DCSTAMP: variants seen among roughly 807,000 people sequenced by gnomAD.
The protein encoded by DCSTAMP is dendritic cell-specific transmembrane protein.
In DCSTAMP, 25 loss-of-function variants were observed where a neutral mutation model predicts 33.8. The ratio of observed to expected loss-of-function variants is 0.74; its 90% CI spans 0.54 to 1.03. The LOEUF (loss-of-function observed/expected upper bound fraction) is 1.03, where lower values mean the gene tolerates loss of function less well. DCSTAMP is among the 50% of genes least tolerant of loss of function. DCSTAMP has a pLI of 0.00. For missense variants in DCSTAMP, 531 were observed against 556.8 expected (o/e 0.95, Z 0.47); for synonymous variants, 245 against 216.7 (o/e 1.13, Z -1.15).
Position 104,348,675 on chromosome 8 carries a change from T to A in DCSTAMP, c.123T>A (p.Leu41=). 6.2e-7 allele frequency: 1 copy of A among 1,614,208 alleles called. No individual in the cohort carries two copies. The highest frequency in any genetic ancestry group is 8.5e-7 in the Non-Finnish European group (1 of 1,180,040). Residue 41 remains leucine, a synonymous_variant, in exon 2 of 4, where the codon CTT becomes CTA. Coordinates refer to ENST00000297581, the MANE Select transcript of DCSTAMP (RefSeq NM_030788.4). ...TGGGAGTTTGCTGTTTGGTTGCTCT[T>A]ATTTCAGTGGGCCTCCTGTCTGTGG... is the stretch of plus-strand genomic sequence containing the variant. ...QHLGVCCLVA[L]ISVGLLSVAA...
At chr8:104,343,994 T>C (rs2099383435) in intron 1 of DCSTAMP, among the ~76,000 whole-genome samples, 1 of 152,230 alleles carries the variant, frequency 6.6e-6, no homozygotes, top group Admixed American at 6.5e-5. Context: ...AAATTTTAAT[T>C]CCATTACTCA....
At chr8:104,352,673 T>C (rs1200673638) in intron 2 of DCSTAMP, among the ~76,000 whole-genome samples, 2 of 152,118 alleles carry the variant, frequency 1.3e-5, no homozygotes, top group East Asian at 3.9e-4. Context: ...ACCTTTGTCT[T>C]TGGGCATTAC....
intron 1 of DCSTAMP, among the ~76,000 whole-genome samples, chr8:104,347,248 T>C (rs1419577794): frequency 2.6e-5 from 4 of 152,114 alleles, no homozygotes; most frequent in African/African-American, 9.7e-5. Flanking sequence ...TGACAAAAAA[T>C]AAATATTCTT....
intron 2 of DCSTAMP, among the ~76,000 whole-genome samples, chr8:104,351,507 G>A (rs1810462493): frequency 6.6e-6 from 1 of 152,224 alleles, no homozygotes; most frequent in Non-Finnish European, 1.5e-5. Context: ...CAAAATGACT[G>A]CTCCATAGGC....
Position 104,349,224 on chromosome 8 carries a change from G to T in DCSTAMP, c.672G>T (p.Leu224=), listed in dbSNP as rs1292382728. 6.2e-7 allele frequency: 1 copy of T among 1,614,212 alleles called. No individual in the cohort carries two copies. The highest frequency in any genetic ancestry group is 1.3e-5 in the African/African-American group (1 of 75,062). The change falls in exon 2 of 4, where the codon CTG becomes CTT. Residue 224 remains leucine, a synonymous_variant. Transcript: ENST00000297581. ...LLAFAGLSLV[L]LGTGLFMKRF... ...CCTTTGCAGGGCTTTCGCTCGTCCT[G>T]CTTGGCACTGGCCTCTTCATGAAGC...
At chr8:104,354,641 A>C (rs956626165) in intron 2 of DCSTAMP, among the ~76,000 whole-genome samples, 1 of 152,234 alleles carries the variant, frequency 6.6e-6, no homozygotes, top group Non-Finnish European at 1.5e-5. Flanking sequence ...TCTCAAGGGA[A>C]TCTTTACTGT....
Position 104,348,910 on chromosome 8 carries a change from G to A in DCSTAMP, c.358G>A (p.Gly120Ser). The stretch of plus-strand genomic sequence containing the variant: ...AGAAAATATTTTTCACAACTTTAAA[G>A]GTCTCCTAGATGGTATGACTTGCAA... ...HVENIFHNFK[G>S]LLDGMTCNLR... Residue 120 changes from glycine to serine, a missense_variant, in exon 2 of 4, where the codon GGT becomes AGT. Coordinates refer to ENST00000297581, the MANE Select transcript of DCSTAMP (RefSeq NM_030788.4). The A allele has an allele frequency of 3.7e-6, 6 of 1,614,234 alleles. No individual in the cohort carries two copies. The highest frequency in any genetic ancestry group is 5.1e-6 in the Non-Finnish European group (6 of 1,180,040).
At chr8:104,353,943 A>C (rs1810539751) in intron 2 of DCSTAMP, among the ~76,000 whole-genome samples, 1 of 152,198 alleles carries the variant, frequency 6.6e-6, no homozygotes, top group Non-Finnish European at 1.5e-5. Flanking sequence ...TGTTTTGCCA[A>C]ATTAGAAAAG....
At position 104,355,048 on chromosome 8, in the gene DCSTAMP, A is replaced by C. The variant is rs757846621; in HGVS notation, c.1201A>C (p.Lys401Gln). Residue 401 changes from lysine (K) to glutamine (Q), a missense_variant, in exon 3 of 4, where the codon AAA (lysine) becomes CAA (glutamine). Physicochemically the swap from Lys to Gln is moderately conservative, Grantham distance 53. Transcript: ENST00000297581. Reference protein sequence around the residue: ...GLLSSILMQLKILVSASFYPS... With the variant: ...GLLSSILMQLQILVSASFYPS... Reference sequence around the variant, plus strand: ...GTTGTCCTCTATCCTTATGCAACTTAAAATCCTGGTGTCAGCATCTTTCTA... The same window carrying C: ...GTTGTCCTCTATCCTTATGCAACTTCAAATCCTGGTGTCAGCATCTTTCTA... The C allele has an allele frequency of 6.2e-7, 1 of 1,614,160 alleles. No homozygotes were observed.
At chr8:104,353,964 A>G (rs778000218) in intron 2 of DCSTAMP, among the ~76,000 whole-genome samples, 29 of 152,330 alleles carry the variant, frequency 1.9e-4, no homozygotes, top group Middle Eastern at 3.4e-3. Flanking sequence ...AAATCCACTG[A>G]GAGATTAAAT....
Position 104,349,406 on chromosome 8 carries a change from C to T in DCSTAMP, c.854C>T (p.Pro285Leu), listed in dbSNP as rs146710492. 943 of 1,614,116 alleles carry T rather than the reference C, an allele frequency of 5.8e-4. 1 individual carries two copies. Among genetic ancestry groups the T allele is most frequent in the Non-Finnish European group, 6.8e-4 (805 of 1,180,028 alleles). ...RKYVIIPTFW[P>L]TPKERKNLGL... ...TATGTCATCATCCCGACTTTCTGGC[C>T]GACTCCTAAAGAAAGGAAAAACCTG... is the stretch of plus-strand genomic sequence containing the variant. The change falls in exon 2 of 4, where the codon CCG becomes CTG. Residue 285 changes from proline to leucine, a missense_variant. Pro to Leu is a moderately conservative substitution (Grantham distance 98). Transcript: ENST00000297581.
chr8:104,355,475 A>G (rs534318242), intron 3 of DCSTAMP, among the ~76,000 whole-genome samples: 23 of 152,350 alleles, frequency 1.5e-4, no homozygotes, highest in African/African-American at 4.6e-4. Context: ...AGTGTTGACT[A>G]GTAAAGGACA....
Position 104,356,312 on chromosome 8 carries a change from G to T in DCSTAMP, c.*114G>T. The stretch of plus-strand genomic sequence containing the variant: ...ACTATGTGACGCAGTCCTCTCAGGA[G>T]TCTGAGTTTACAGAGCCAACTTGCA... On this transcript the variant is annotated 3_prime_UTR_variant, in exon 4 of 4. Coordinates refer to ENST00000297581, the MANE Select transcript of DCSTAMP (RefSeq NM_030788.4). The T allele has an allele frequency of 1.9e-6, 2 of 1,061,872 alleles. No homozygotes were observed. Among genetic ancestry groups the T allele is most frequent in the Non-Finnish European group, 1.3e-6 (1 of 783,414 alleles). 65.8% of individuals were successfully genotyped at this position (1,061,872 alleles called of 1,614,324 possible). A position where few individuals can be genotyped will look rare whatever the true frequency, so the allele number is the denominator to read the frequency against.
intron 2 of DCSTAMP, among the ~76,000 whole-genome samples, chr8:104,350,838 C>T (rs761230257): frequency 1.2e-4 from 18 of 152,176 alleles, no homozygotes; most frequent in Non-Finnish European, 2.5e-4. Flanking sequence ...CAAAGCAACT[C>T]AATTCCTCTC....
intron 1 of DCSTAMP, among the ~76,000 whole-genome samples, chr8:104,342,949 G>C (rs2099383196): frequency 6.6e-6 from 1 of 152,220 alleles, no homozygotes; most frequent in Non-Finnish European, 1.5e-5. Context: ...CTGGGGAAAG[G>C]AGAGCTGCAG....
intron 1 of DCSTAMP, among the ~76,000 whole-genome samples, chr8:104,344,461 C>G (rs1810236509): frequency 6.6e-6 from 1 of 152,150 alleles, no homozygotes; most frequent in Admixed American, 6.5e-5. Flanking sequence ...ATATATACAG[C>G]ACGCCCAGCA....
intron 1 of DCSTAMP, 35 bp from the exon 2 acceptor site, chr8:104,348,506 G>C (rs1432538146): frequency 6.3e-7 from 1 of 1,575,094 alleles, no homozygotes. Flanking sequence ...ACATTCAAAA[G>C]TAATTTCTGA....
chr8:104,351,328 A>G (rs955766805), intron 2 of DCSTAMP, among the ~76,000 whole-genome samples: 2 of 152,190 alleles, frequency 1.3e-5, no homozygotes, highest in African/African-American at 2.4e-5. Flanking sequence ...GTGTATGTGC[A>G]TGTGTGTGAT....
chr8:104,349,227 T>C lies in DCSTAMP; in HGVS notation c.675T>C (p.Leu225=). 6.2e-7 allele frequency: 1 copy of C among 1,614,226 alleles called. No individual in the cohort carries two copies. Among genetic ancestry groups the C allele is most frequent in the Non-Finnish European group, 8.5e-7 (1 of 1,180,052 alleles). ...TTGCAGGGCTTTCGCTCGTCCTGCTTGGCACTGGCCTCTTCATGAAGCGAT... is the reference window on the plus strand; with the variant it reads ...TTGCAGGGCTTTCGCTCGTCCTGCTCGGCACTGGCCTCTTCATGAAGCGAT... ...LAFAGLSLVL[L]GTGLFMKRFL... The change falls in exon 2 of 4, where the codon CTT becomes CTC. Residue 225 remains leucine (L), a synonymous_variant. Coordinates refer to ENST00000297581, the MANE Select transcript of DCSTAMP (RefSeq NM_030788.4).
Sources: allele counts gnomAD v4.1 joint callset (sites outside exome capture counted in the v4.1 genomes callset), GRCh38; gene constraint gnomAD v4.1.1; transcripts MANE v1.5; gene names NCBI Gene and HGNC (gene_info 2026-07-23, HGNC 2026-07-21).